APCDD1L: variants seen among roughly 807,000 people sequenced by gnomAD.
APCDD1L encodes APC down-regulated 1 like.
A neutral mutation model predicts 24.2 loss-of-function variants in APCDD1L; 21 were observed. The observed-to-expected ratio is 0.87, with a 90% CI of 0.61 to 1.25. APCDD1L has a LOEUF of 1.25. Among genes scored for constraint, APCDD1L ranks in the 50% most tolerant of loss-of-function variants. The pLI is 0.00. For synonymous variants in APCDD1L, 321 were observed against 323.6 expected (o/e 0.99, Z 0.09); for missense variants, 704 against 711.7 (o/e 0.99, Z 0.12).
rs1181424780 is a variant in APCDD1L, at chr20:58,515,269, T to A, written c.-562A>T. ...TACTCCTGGAAAAGTCGCGTCAACT[T>A]GGATCCCAGCAAACCCAGAAGCGCA... is the stretch of plus-strand genomic sequence containing the variant. On this transcript the variant is annotated 5_prime_UTR_variant, in exon 1 of 4. Coordinates refer to ENST00000371149, the MANE Select transcript of APCDD1L (RefSeq NM_153360.3). 4.8e-6 allele frequency: 1 copy of A among 207,854 alleles called. No individual in the cohort carries two copies. The highest frequency in any genetic ancestry group is 9.5e-6 in the Non-Finnish European group (1 of 105,426). 12.9% of individuals were successfully genotyped at this position (207,854 alleles called of 1,614,324 possible). A position where few individuals can be genotyped will look rare whatever the true frequency, so the allele number is the denominator to read the frequency against.
At chr20:58,501,486 G>A (rs1990436541) in intron 1 of APCDD1L, among the ~76,000 whole-genome samples, 1 of 152,212 alleles carries the variant, frequency 6.6e-6, no homozygotes. Flanking sequence ...CTACAAGCCA[G>A]GGAGGGCAGG....
intron 1 of APCDD1L, among the ~76,000 whole-genome samples, chr20:58,507,548 G>A (rs1023481107): frequency 2.0e-5 from 3 of 151,086 alleles, no homozygotes; most frequent in African/African-American, 4.9e-5. Flanking sequence ...CACACACCCC[G>A]ACACACACAC....
chr20:58,507,494 CCTT>C (rs1226571358), intron 1 of APCDD1L, among the ~76,000 whole-genome samples: 6 of 152,106 alleles, frequency 3.9e-5, no homozygotes, highest in African/African-American at 1.4e-4. Flanking sequence ...CCCTTCCTCT[CCTT>C]CTCCCTCTGC....
chr20:58,478,688 C>A (rs1989963086), intron 1 of APCDD1L, among the ~76,000 whole-genome samples: 1 of 152,098 alleles, frequency 6.6e-6, no homozygotes, highest in South Asian at 2.1e-4. Context: ...TGGTCCATAG[C>A]AGCACGTGTG....
chr20:58,462,756 A>T (rs570932657), intron 3 of APCDD1L, among the ~76,000 whole-genome samples: 2 of 151,144 alleles, frequency 1.3e-5, no homozygotes, highest in African/African-American at 4.9e-5. Context: ...AGGTAGGAGA[A>T]TTGCTTGAAC....
At chr20:58,496,964 A>G (rs1323196142) in intron 1 of APCDD1L, among the ~76,000 whole-genome samples, 1 of 152,184 alleles carries the variant, frequency 6.6e-6, no homozygotes, top group African/African-American at 2.4e-5. Context: ...AAAAACAAGT[A>G]ACTCAAACTA....
intron 3 of APCDD1L, among the ~76,000 whole-genome samples, chr20:58,464,007 T>C (rs1482803165): frequency 6.6e-6 from 1 of 151,624 alleles, no homozygotes; most frequent in Non-Finnish European, 1.5e-5. Flanking sequence ...GTTATGGGGA[T>C]TTGGGCCCAG....
At chr20:58,505,112 C>T (rs1367328292) in intron 1 of APCDD1L, among the ~76,000 whole-genome samples, 1 of 152,168 alleles carries the variant, frequency 6.6e-6, no homozygotes, top group Non-Finnish European at 1.5e-5. Context: ...CCAGAGATAA[C>T]TGCTCATTTC....
intron 3 of APCDD1L, among the ~76,000 whole-genome samples, chr20:58,463,601 G>A (rs370397629): frequency 4.6e-5 from 7 of 152,232 alleles, no homozygotes; most frequent in African/African-American, 1.2e-4. Context: ...CCAGAGCGCC[G>A]TTCTGGAAGG....
At chr20:58,509,313 G>A (rs1263973627) in intron 1 of APCDD1L, among the ~76,000 whole-genome samples, 2 of 152,130 alleles carry the variant, frequency 1.3e-5, no homozygotes, top group African/African-American at 2.4e-5. Context: ...AATCCTTCTC[G>A]TTTCCCTGAT....
rs559886953 is a variant in APCDD1L at position 58,508,969 on chromosome 20, C to T, written c.49+5690G>A. On this transcript the variant is annotated intron_variant, in intron 1 of 3. Transcript: ENST00000371149. The surrounding 1 kb of genome is among the most constrained non-coding windows in gnomAD (Gnocchi z 4.0). Reference sequence around the variant, plus strand: ...GTGAGTGTGCATGTGTGTCTGTGTGCGCACGTGTGTGTGCATGTGCATGCG... The same window carrying T: ...GTGAGTGTGCATGTGTGTCTGTGTGTGCACGTGTGTGTGCATGTGCATGCG... Among the ~76,000 whole-genome samples, 38 of 148,374 alleles carry T rather than the reference C, an allele frequency of 2.6e-4. No individual in the cohort carries two copies. The highest frequency in any genetic ancestry group is 6.8e-3 in the Middle Eastern group (2 of 292).
rs1990713898 is a variant in APCDD1L at position 58,514,933 on chromosome 20, A to G, written c.-226T>C. The G allele has an allele frequency of 2.7e-6, 1 of 372,352 alleles. No homozygotes were observed. The allele number at this position is 372,352 out of a possible 1,614,324, so 23.1% of individuals were successfully genotyped here. ...ACTCATAGGTCCAACTTGCCAGAAGAGGTGGAGACAGCCCCCGGCGAGGCG... is the reference window on the plus strand; with the variant it reads ...ACTCATAGGTCCAACTTGCCAGAAGGGGTGGAGACAGCCCCCGGCGAGGCG... On this transcript the variant is annotated 5_prime_UTR_variant, in exon 1 of 4. Transcript: ENST00000371149.
In APCDD1L at chr20:58,467,392, G is replaced by C. The variant is rs1989732401; in HGVS notation, c.455C>G (p.Thr152Ser). 1.3e-6 allele frequency: 2 copies of C among 1,524,376 alleles called. No homozygotes were observed. The highest frequency in any genetic ancestry group is 1.8e-6 in the Non-Finnish European group (2 of 1,138,792). The allele number at this position is 1,524,376 out of a possible 1,614,324, so 94.4% of individuals were successfully genotyped here. ...CCGCGCGCAGTCCCGGCCGGCGCGGGTCTGGTTGAGGCGCCCGGTGACGTC... is the reference window on the plus strand; with the variant it reads ...CCGCGCGCAGTCCCGGCCGGCGCGGCTCTGGTTGAGGCGCCCGGTGACGTC... The part of the protein sequence containing the change: ...LVDVTGRLNQ[T>S]RAGRDCARRL... The change falls in exon 3 of 4, where the codon ACC becomes AGC. Residue 152 changes from threonine (T) to serine (S), a missense_variant. Thr to Ser is a moderately conservative substitution (Grantham distance 58). Coordinates refer to ENST00000371149, the MANE Select transcript of APCDD1L (RefSeq NM_153360.3). This position sits in a 1 kb window ranked among gnomAD's most constrained non-coding sequence, Gnocchi z 5.9.
intron 1 of APCDD1L, among the ~76,000 whole-genome samples, chr20:58,500,173 G>T (rs1359639807): frequency 6.6e-6 from 1 of 152,084 alleles, no homozygotes; most frequent in Non-Finnish European, 1.5e-5. Context: ...CATTTTTTCT[G>T]GGGGAAAATG....
At chr20:58,479,394 G>A (rs1409779451) in intron 1 of APCDD1L, among the ~76,000 whole-genome samples, 1 of 152,174 alleles carries the variant, frequency 6.6e-6, no homozygotes, top group Non-Finnish European at 1.5e-5. Context: ...AGACAGCAGA[G>A]CTCTAGCTCA....
chr20:58,466,660 A>G (rs1444219370), intron 3 of APCDD1L, among the ~76,000 whole-genome samples: 1 of 152,210 alleles, frequency 6.6e-6, no homozygotes, highest in East Asian at 1.9e-4. Context: ...AGAGGCAATA[A>G]ACAAGTCACC....
Position 58,467,990 on chromosome 20 carries a change from G to A in APCDD1L, c.189-332C>T, listed in dbSNP as rs566105094. 6.6e-6 allele frequency among the ~76,000 whole-genome samples: 1 copy of A among 151,972 alleles called. No individual in the cohort carries two copies. The highest frequency in any genetic ancestry group is 6.6e-5 in the Admixed American group (1 of 15,260). ...GGATGCCCTGCCTGCTTCCTCCCCC[G>A]CTGGACTCTGGGCACCTGGCCCAGA... On this transcript the variant is annotated intron_variant, in intron 2 of 3. Transcript: ENST00000371149. The surrounding 1 kb of genome is among the most constrained non-coding windows in gnomAD (Gnocchi z 5.9).
intron 1 of APCDD1L, among the ~76,000 whole-genome samples, chr20:58,495,870 G>T (rs1403085848): frequency 1.3e-5 from 2 of 152,106 alleles, no homozygotes; most frequent in Non-Finnish European, 2.9e-5. Context: ...AGGGCCATCA[G>T]CGGAGTGGGA....
chr20:58,461,721 T>G lies in APCDD1L; in HGVS notation c.742-167A>C. On this transcript the variant is annotated intron_variant, in intron 3 of 3. Transcript: ENST00000371149. The surrounding 1 kb of genome is among the most constrained non-coding windows in gnomAD (Gnocchi z 6.0). ...CTGCCTTCAGTCAGGACGACCTCCTTGCTTCAGCCAGGATGGCCTCCTTGA... is the reference window on the plus strand; with the variant it reads ...CTGCCTTCAGTCAGGACGACCTCCTGGCTTCAGCCAGGATGGCCTCCTTGA... The G allele has an allele frequency of 3.0e-6, 2 of 664,026 alleles. No individual in the cohort carries two copies. The highest frequency in any genetic ancestry group is 4.3e-6 in the Non-Finnish European group (2 of 463,282). The allele number at this position is 664,026 out of a possible 1,614,324, so 41.1% of individuals were successfully genotyped here. A position where few individuals can be genotyped will look rare whatever the true frequency, so the allele number is the denominator to read the frequency against.
Sources: allele counts gnomAD v4.1 joint callset (sites outside exome capture counted in the v4.1 genomes callset), GRCh38; gene constraint gnomAD v4.1.1; non-coding constraint Gnocchi (gnomAD v3.1); transcripts MANE v1.5; gene names NCBI Gene and HGNC (gene_info 2026-07-23, HGNC 2026-07-21).